Variants in CATSPERT observed in about 807,000 individuals in gnomAD.
The protein encoded by CATSPERT is catsper channel auxiliary subunit tau, also known as cation channel sperm-associated targeting subunit tau.
At chr2:201,534,239 G>T in the CATSPERT span, 354 of 220,996 alleles carry the variant, frequency 1.6e-3, 3 homozygotes, top group African/African-American at 7.8e-3. Flanking sequence ...GCCTAATCAA[G>T]CTCCTAGATA....
chr2:201,559,841 C>T, the CATSPERT span, among the ~76,000 whole-genome samples: 2 of 152,216 alleles, frequency 1.3e-5, no homozygotes, highest in South Asian at 4.2e-4. Context: ...CCATCAGATG[C>T]ATAGAAATCA....
chr2:201,502,034 G>C, the CATSPERT span, among the ~76,000 whole-genome samples: 2 of 152,246 alleles, frequency 1.3e-5, no homozygotes, highest in African/African-American at 2.4e-5. Context: ...AGCCAGCTTA[G>C]AACGGACATA....
the CATSPERT span, among the ~76,000 whole-genome samples, chr2:201,529,542 T>C: frequency 1.3e-5 from 2 of 152,100 alleles, no homozygotes; most frequent in Admixed American, 1.3e-4. Context: ...AAAATAGATA[T>C]GGCCCAGAAG....
At chr2:201,593,891 T>C in the CATSPERT span, among the ~76,000 whole-genome samples, 6 of 151,984 alleles carry the variant, frequency 3.9e-5, no homozygotes, top group South Asian at 8.3e-4. Flanking sequence ...TGAGATGGGT[T>C]TCCTGAATAC....
At chr2:201,507,207 C>T in the CATSPERT span, among the ~76,000 whole-genome samples, 2 of 152,056 alleles carry the variant, frequency 1.3e-5, no homozygotes, top group African/African-American at 2.4e-5. Context: ...AATATATACA[C>T]GGTATTATAT....
At chr2:201,494,494 T>C in the CATSPERT span, 2 of 1,537,158 alleles carry the variant, frequency 1.3e-6, no homozygotes, top group South Asian at 1.2e-5. Flanking sequence ...CTTTATTGTA[T>C]TGATAGTAGG....
At chr2:201,614,568 G>A in the CATSPERT span, among the ~76,000 whole-genome samples, 10 of 152,110 alleles carry the variant, frequency 6.6e-5, no homozygotes, top group Non-Finnish European at 1.0e-4. Flanking sequence ...AGCACTAAAC[G>A]TGGAAAGGAA....
chr2:201,589,435 C>T, the CATSPERT span, among the ~76,000 whole-genome samples: 1 of 152,014 alleles, frequency 6.6e-6, no homozygotes, highest in East Asian at 1.9e-4. Context: ...GAACAGAGAA[C>T]CCAGAAATAA....
the CATSPERT span, among the ~76,000 whole-genome samples, chr2:201,490,223 G>A: frequency 1.3e-5 from 2 of 152,242 alleles, no homozygotes; most frequent in South Asian, 4.1e-4. Context: ...ACATGATATA[G>A]CATGGTGGTG....
chr2:201,491,326 G>A, the CATSPERT span: 1 of 1,537,722 alleles, frequency 6.5e-7, no homozygotes, highest in Non-Finnish European at 8.7e-7. Flanking sequence ...TCGGACCTTG[G>A]GTTTTAGATC....
chr2:201,538,044 A>G, the CATSPERT span, among the ~76,000 whole-genome samples: 1 of 152,020 alleles, frequency 6.6e-6, no homozygotes, highest in African/African-American at 2.4e-5. Context: ...AACAATTCAC[A>G]TGAGACCTAT....
At chr2:201,611,764 T>C in the CATSPERT span, among the ~76,000 whole-genome samples, 1 of 152,128 alleles carries the variant, frequency 6.6e-6, no homozygotes, top group Admixed American at 6.5e-5. Flanking sequence ...AATGCTAGTA[T>C]CCCTAACAAT....
chr2:201,619,087 T>C, the CATSPERT span: 2 of 1,614,180 alleles, frequency 1.2e-6, no homozygotes, highest in Non-Finnish European at 1.7e-6. Flanking sequence ...GCTGCGGTTA[T>C]CAAGTGTGCT....
At chr2:201,563,850 G>A in the CATSPERT span, among the ~76,000 whole-genome samples, 5 of 152,162 alleles carry the variant, frequency 3.3e-5, no homozygotes, top group African/African-American at 1.2e-4. Context: ...TATAAAGACA[G>A]CAAGGATTTG....
At chr2:201,618,941 T>C in the CATSPERT span, 38 of 1,613,710 alleles carry the variant, frequency 2.4e-5, no homozygotes, top group Middle Eastern at 1.3e-3. Flanking sequence ...TTCTTGTTCT[T>C]AGGCAGGGCC....
chr2:201,517,296 G>A, the CATSPERT span, among the ~76,000 whole-genome samples: 4 of 152,082 alleles, frequency 2.6e-5, no homozygotes, highest in Non-Finnish European at 4.4e-5. Flanking sequence ...AAGACAAGGG[G>A]AAGACCGTTA....
At chr2:201,610,641 C>T in the CATSPERT span, among the ~76,000 whole-genome samples, 3 of 152,042 alleles carry the variant, frequency 2.0e-5, no homozygotes, top group Admixed American at 6.6e-5. Context: ...ATGCAAAAAC[C>T]AGACAAGGAT....
chr2:201,561,873 C>CA, the CATSPERT span, among the ~76,000 whole-genome samples: 1 of 142,366 alleles, frequency 7.0e-6, no homozygotes, highest in African/African-American at 2.6e-5. Flanking sequence ...GACTCCATCT[C>CA]AAAAAAAAGG....
At chr2:201,600,120 TA>T in the CATSPERT span, among the ~76,000 whole-genome samples, 64,122 of 151,960 alleles carry the variant, frequency 0.42, 13,958 homozygotes, top group East Asian at 0.64. Flanking sequence ...CATGCTACTA[TA>T]AAGACACATA....
Sources: allele counts gnomAD v4.1 joint callset (sites outside exome capture counted in the v4.1 genomes callset), GRCh38; gene constraint gnomAD v4.1.1; transcripts MANE v1.5; gene names NCBI Gene and HGNC (gene_info 2026-07-23, HGNC 2026-07-21).